HDAC9: variants seen among roughly 807,000 people sequenced by gnomAD.
HDAC9 encodes the protein histone deacetylase 9.
In HDAC9, 41 loss-of-function variants were observed where a neutral mutation model predicts 139.4. That is an observed-to-expected ratio of 0.29 (90% confidence interval 0.23 to 0.38). The LOEUF (loss-of-function observed/expected upper bound fraction) is 0.38. HDAC9 is among the 10% of genes least tolerant of loss of function. HDAC9 has a pLI of 1.00. For missense variants in HDAC9, 1,147 were observed against 1,297.0 expected, an observed-to-expected ratio of 0.88 and a Z score of 1.78; for synonymous variants, 517 against 476.2, an observed-to-expected ratio of 1.09 and a Z score of -1.12.
chr7:18,215,295 A>C (rs1423153289), intron 2 of HDAC9, among the ~76,000 whole-genome samples: 1 of 152,120 alleles, frequency 6.6e-6, no homozygotes, highest in Non-Finnish European at 1.5e-5. Flanking sequence ...CATTATAGAC[A>C]TATTAGTTCT....
chr7:18,206,872 G>A (rs548263089), intron 2 of HDAC9, among the ~76,000 whole-genome samples: 1 of 149,932 alleles, frequency 6.7e-6, no homozygotes, highest in African/African-American at 2.5e-5. Context: ...TAGTACAAAT[G>A]TTTATTTTAT....
chr7:18,480,437 T>C (rs1233463697), intron 1 of HDAC9, among the ~76,000 whole-genome samples: 2 of 152,192 alleles, frequency 1.3e-5, no homozygotes, highest in East Asian at 3.8e-4. Flanking sequence ...AACCTGATTC[T>C]GAGGCAGGAT....
chr7:18,463,664 CT>C (rs1794035637), intron 1 of HDAC9, among the ~76,000 whole-genome samples: 1 of 151,550 alleles, frequency 6.6e-6, no homozygotes, highest in Admixed American at 6.6e-5. Context: ...ACTTTTATTT[CT>C]TTTTCTAAGT....
intron 1 of HDAC9, among the ~76,000 whole-genome samples, chr7:18,477,550 A>T (rs1179395958): frequency 3.3e-5 from 5 of 152,202 alleles, no homozygotes; most frequent in Non-Finnish European, 7.3e-5. Context: ...ATACTTCTTT[A>T]CTAGTAAAAG....
intron 2 of HDAC9, among the ~76,000 whole-genome samples, chr7:18,499,643 G>C (rs1235427034): frequency 1.3e-5 from 2 of 151,994 alleles, no homozygotes; most frequent in East Asian, 3.9e-4. Context: ...TAACACGTTG[G>C]GCAGCAGAGC....
intron 2 of HDAC9, among the ~76,000 whole-genome samples, chr7:18,184,700 T>C (rs1789767845): frequency 6.6e-6 from 1 of 152,216 alleles, no homozygotes; most frequent in Non-Finnish European, 1.5e-5. Flanking sequence ...TATGCTTGTC[T>C]TGTTCTCTTG....
At chr7:18,477,544 T>G (rs1320617497) in intron 1 of HDAC9, among the ~76,000 whole-genome samples, 2 of 152,212 alleles carry the variant, frequency 1.3e-5, no homozygotes, top group African/African-American at 4.8e-5. Flanking sequence ...GTGAAAATAC[T>G]TCTTTACTAG....
rs567571882 is a variant in HDAC9 at position 18,505,296 on chromosome 7, T to C, written c.22+8972T>C. 2.6e-5 allele frequency among the ~76,000 whole-genome samples: 4 copies of C among 152,314 alleles called. No individual in the cohort carries two copies. In the South Asian group the frequency reaches 8.3e-4, roughly 32 times the overall value. ...GTATTTTGGCAGGAGAAAGTAATTT[T>C]TTTTGAAATGTTAGCATTATGGGGT... On this transcript the variant is annotated intron_variant, in intron 2 of 25. Coordinates refer to ENST00000686413, the MANE Select transcript of HDAC9 (RefSeq NM_178425.4).
intron 2 of HDAC9, among the ~76,000 whole-genome samples, chr7:18,203,303 A>C (rs1286911354): frequency 6.6e-6 from 1 of 152,192 alleles, no homozygotes; most frequent in Non-Finnish European, 1.5e-5. Flanking sequence ...TTGTTTCCAC[A>C]GCCAAACCGT....
chr7:18,968,407 C>T (rs1563093708), intron 24 of HDAC9, among the ~76,000 whole-genome samples: 1 of 151,898 alleles, frequency 6.6e-6, no homozygotes, highest in Non-Finnish European at 1.5e-5. Context: ...TGATCAGAAA[C>T]AAGAGAAAAC....
At chr7:18,519,509 G>A (rs1804311694) in intron 2 of HDAC9, among the ~76,000 whole-genome samples, 4 of 152,128 alleles carry the variant, frequency 2.6e-5, no homozygotes, top group Admixed American at 2.6e-4. Context: ...GTAAGTATCC[G>A]AGAAGATGAT....
At chr7:18,184,712 C>G (rs544379041) in intron 2 of HDAC9, among the ~76,000 whole-genome samples, 1 of 152,214 alleles carries the variant, frequency 6.6e-6, no homozygotes, top group East Asian at 1.9e-4. Flanking sequence ...GTTCTCTTGA[C>G]CCTCGGATTA....
At chr7:18,361,087 G>A (rs946961352) in intron 1 of HDAC9, among the ~76,000 whole-genome samples, 2 of 152,000 alleles carry the variant, frequency 1.3e-5, no homozygotes, top group Non-Finnish European at 2.9e-5. Context: ...AAGTGCTTTA[G>A]CTAGCAAATT....
chr7:18,634,596 G>A (rs1783317050), intron 7 of HDAC9, 31 bp from the exon 8 acceptor site: 1 of 1,357,498 alleles, frequency 7.4e-7, no homozygotes, highest in African/African-American at 1.4e-5. Flanking sequence ...TGTTCCTCAT[G>A]AACACATTTG....
At chr7:18,445,079 T>C (rs1792164820) in intron 1 of HDAC9, among the ~76,000 whole-genome samples, 1 of 152,156 alleles carries the variant, frequency 6.6e-6, no homozygotes, top group African/African-American at 2.4e-5. Flanking sequence ...GTCTGTCTTA[T>C]AGAAAGGCAG....
At chr7:18,482,253 A>C (rs533696529) in intron 1 of HDAC9, among the ~76,000 whole-genome samples, 3 of 151,706 alleles carry the variant, frequency 2.0e-5, no homozygotes, top group African/African-American at 7.3e-5. Context: ...GTTAAAGAGT[A>C]TCCCTGGCTG....
At chr7:18,248,948 T>C (rs891713975) in intron 2 of HDAC9, among the ~76,000 whole-genome samples, 2 of 152,226 alleles carry the variant, frequency 1.3e-5, no homozygotes, top group African/African-American at 4.8e-5. Flanking sequence ...TATTTTTGCT[T>C]TGTAATTTAA....
intron 22 of HDAC9, among the ~76,000 whole-genome samples, chr7:18,899,962 C>T (rs1801547391): frequency 6.6e-6 from 1 of 151,976 alleles, no homozygotes. Flanking sequence ...TGATAATACA[C>T]ACACAGAAAG....
chr7:18,802,639 A>G (rs1469458119), intron 17 of HDAC9, among the ~76,000 whole-genome samples: 1 of 150,830 alleles, frequency 6.6e-6, no homozygotes, highest in African/African-American at 2.4e-5. Flanking sequence ...AGATTTTTTT[A>G]TCTTTATGGA....
Sources: gnomAD v4.1 joint callset for allele counts (sites outside exome capture counted in the v4.1 genomes callset) on GRCh38, gnomAD v4.1.1 for gene constraint, MANE v1.5 for transcripts, NCBI Gene and HGNC (gene_info 2026-07-23, HGNC 2026-07-21) for gene names.